Variants in GCFC2 observed in about 807,000 individuals in gnomAD.
The protein encoded by GCFC2 is intron Large complex component GCFC2.
GCFC2 carries 102 observed loss-of-function variants against 99.4 expected under a neutral mutation model. The ratio of observed to expected loss-of-function variants is 1.03; its 90% CI spans 0.87 to 1.21. GCFC2 has a LOEUF of 1.21. Among genes scored for constraint, GCFC2 ranks in the 50% most tolerant of loss-of-function variants. GCFC2 has a pLI of 0.00. For synonymous variants in GCFC2, 338 were observed against 316.8 expected (o/e 1.07, Z -0.71); for missense variants, 973 against 920.9 (o/e 1.06, Z -0.73).
upstream of GCFC2, chr2:75,711,126 G>T: frequency 1.6e-6 from 2 of 1,249,496 alleles, no homozygotes; most frequent in Non-Finnish European, 2.0e-6. Flanking sequence ...GATTTTCACG[G>T]CCTATCCGGT....
At position 75,673,664 on chromosome 2, in the gene GCFC2, C is replaced by A. The variant is rs534257586; in HGVS notation, c.1813-144G>T. 5.2e-5 allele frequency: 31 copies of A among 601,786 alleles called. 1 individual carries two copies. In the South Asian group the frequency reaches 5.5e-4, roughly 11 times the overall value. 37.3% of individuals were successfully genotyped at this position (601,786 alleles called of 1,614,324 possible). A position where few individuals can be genotyped will look rare whatever the true frequency, so the allele number is the denominator to read the frequency against. On this transcript the variant is annotated intron_variant, in intron 12 of 16. Coordinates refer to ENST00000321027, the MANE Select transcript of GCFC2 (RefSeq NM_003203.5). ...AACTATCAATTGGGTACAAAAAAAA[C>A]CTTATTTATCCATGTTGCTACATAT...
chr2:75,673,338 C>G (rs770599784), intron 13 of GCFC2, 106 bp downstream of exon 13: 100 of 652,478 alleles, frequency 1.5e-4, no homozygotes, highest in South Asian at 1.1e-3. Flanking sequence ...ACACAAAAAA[C>G]AAAACAAAAA....
rs1479272147 is a variant in GCFC2 at position 75,694,289 on chromosome 2, T to C, written c.972A>G (p.Lys324=). 2 of 1,209,542 alleles carry C rather than the reference T, an allele frequency of 1.7e-6. No individual in the cohort carries two copies. The highest frequency in any genetic ancestry group is 2.8e-5 in the South Asian group (2 of 71,914). The allele number at this position is 1,209,542 out of a possible 1,614,324, so 74.9% of individuals were successfully genotyped here. ...AATTTTCCACATAAATTTTCATGCT[T>C]TTATAGAATTTACAATTTAGAGCTT... The part of the protein sequence containing the change: ...SNQALNCKFY[K]SMKIYVENLI... Residue 324 remains lysine, a synonymous_variant, in exon 6 of 17, where the codon AAA becomes AAG. Coordinates refer to ENST00000321027, the MANE Select transcript of GCFC2 (RefSeq NM_003203.5).
intron 6 of GCFC2, 22 bp from the exon 7 acceptor site, chr2:75,692,122 C>T (rs766072825): frequency 2.4e-6 from 3 of 1,236,842 alleles, no homozygotes; most frequent in Non-Finnish European, 3.3e-6. Flanking sequence ...ATATAAGTAA[C>T]ATTTTGCAGG....
Position 75,710,780 on chromosome 2 carries a change from G to A in GCFC2, c.76C>T (p.Pro26Ser), listed in dbSNP as rs748040346. Residue 26 changes from proline to serine, a missense_variant, in exon 1 of 17, where the codon CCT becomes TCT. Coordinates refer to ENST00000321027, the MANE Select transcript of GCFC2 (RefSeq NM_003203.5). ...SSDSDGAEES[P>S]AEPGAPRELP... ...TCCCTCGGCGCCCCAGGCTCAGCAG[G>A]CGACTCCTCGGCGCCATCGCTGTCG... 6.3e-7 allele frequency: 1 copy of A among 1,574,934 alleles called. No homozygotes were observed.
intron 13 of GCFC2, among the ~76,000 whole-genome samples, chr2:75,672,570 A>G (rs77951644): frequency 0.01 from 1,532 of 152,070 alleles, 15 homozygotes; most frequent in South Asian, 0.027. Context: ...CTGGATTGCT[A>G]CAGTTCATGC....
Position 75,706,656 on chromosome 2 carries a change from C to T in GCFC2, c.266-5G>A. On this transcript the variant is annotated splice_region_variant and splice_polypyrimidine_tract_variant and intron_variant, in intron 1 of 16. Coordinates refer to ENST00000321027, the MANE Select transcript of GCFC2 (RefSeq NM_003203.5). ...ACACATCAAGGGTTCTGGATTCTAACAGGACATTTTAAAAATACAACAAAA... is the reference window on the plus strand; with the variant it reads ...ACACATCAAGGGTTCTGGATTCTAATAGGACATTTTAAAAATACAACAAAA... The T allele has an allele frequency of 1.9e-6, 3 of 1,551,066 alleles. No individual in the cohort carries two copies. Among genetic ancestry groups the T allele is most frequent in the Non-Finnish European group, 2.6e-6 (3 of 1,140,684 alleles).
chr2:75,704,313 T>C (rs1047929553), intron 2 of GCFC2, among the ~76,000 whole-genome samples: 2 of 152,226 alleles, frequency 1.3e-5, no homozygotes, highest in Non-Finnish European at 2.9e-5. Flanking sequence ...CAGTTATTCA[T>C]CGGAACACAA....
chr2:75,698,396 T>C (rs1221204313), intron 4 of GCFC2, among the ~76,000 whole-genome samples: 1 of 152,082 alleles, frequency 6.6e-6, no homozygotes, highest in Non-Finnish European at 1.5e-5. Flanking sequence ...ATTTGTTAAT[T>C]AAAAAAATCA....
At chr2:75,689,942 T>C (rs1470047775) in intron 9 of GCFC2, 27 bp downstream of exon 9, 1 of 1,181,770 alleles carries the variant, frequency 8.5e-7, no homozygotes, top group Non-Finnish European at 1.2e-6. Flanking sequence ...ACTCAAACCA[T>C]GATATATTAG....
upstream of GCFC2, chr2:75,711,052 C>G (rs542700814): frequency 7.6e-7 from 1 of 1,321,246 alleles, no homozygotes; most frequent in Admixed American, 4.2e-5. Context: ...GAGTTCTGTT[C>G]TGGGGCCTGA....
In GCFC2 at chr2:75,710,612, G is replaced by A; in HGVS notation, c.244C>T (p.Pro82Ser). 2.0e-6 allele frequency: 3 copies of A among 1,514,514 alleles called. No homozygotes were observed. The highest frequency in any genetic ancestry group is 2.3e-4 in the Middle Eastern group (1 of 4,300). The allele number at this position is 1,514,514 out of a possible 1,614,324, so 93.8% of individuals were successfully genotyped here. The change falls in exon 1 of 17, where the codon CCC becomes TCC. Residue 82 changes from proline to serine, a missense_variant. Pro to Ser is a moderately conservative substitution (Grantham distance 74). Coordinates refer to ENST00000321027, the MANE Select transcript of GCFC2 (RefSeq NM_003203.5). Reference sequence around the variant, plus strand: ...ACACCTGAGCCTTCGTCCGCGCGGGGAGCCGCTTTGGTGGCACGCCGGGAG... The same window carrying A: ...ACACCTGAGCCTTCGTCCGCGCGGGAAGCCGCTTTGGTGGCACGCCGGGAG... ...ASSRRATKAA[P>S]RADEGSESRT...
chr2:75,712,420 A>C (rs1681224779), upstream of GCFC2, among the ~76,000 whole-genome samples: 1 of 152,068 alleles, frequency 6.6e-6, no homozygotes, highest in South Asian at 2.1e-4. Context: ...TCTGATGGGG[A>C]TGTGGAGAAC....
upstream of GCFC2, chr2:75,711,306 G>A (rs143968871): frequency 1.9e-4 from 120 of 644,192 alleles, no homozygotes; most frequent in African/African-American, 2.3e-3. Context: ...CCAGCAGTGT[G>A]AGGCTCGGGG....
Position 75,683,131 on chromosome 2 carries a change from A to G in GCFC2, c.1691-2817T>C, listed in dbSNP as rs1456461381. Among the ~76,000 whole-genome samples, 3 of 151,814 alleles carry G rather than the reference A, an allele frequency of 2.0e-5. No homozygotes were observed. In the East Asian group the frequency reaches 5.8e-4, roughly 29 times the overall value. ...ACTCCTCGAGAAGAGCAACCCCAAG[A>G]CACATAATTGTCAGATTCACCAAGG... On this transcript the variant is annotated intron_variant, in intron 11 of 16. Transcript: ENST00000321027.
chr2:75,691,740 A>T (rs924940271), intron 7 of GCFC2, among the ~76,000 whole-genome samples: 2 of 152,230 alleles, frequency 1.3e-5, no homozygotes, highest in African/African-American at 4.8e-5. Context: ...ATGGCTATGT[A>T]CATATTCTGT....
intron 2 of GCFC2, among the ~76,000 whole-genome samples, chr2:75,705,661 A>T (rs954822191): frequency 2.7e-5 from 4 of 150,246 alleles, no homozygotes; most frequent in Non-Finnish European, 5.9e-5. Context: ...ACTTATTACT[A>T]TATTACAAGC....
In GCFC2 at chr2:75,694,400, G is replaced by T; in HGVS notation, c.861C>A (p.Arg287=). ...ATTTTTCATACTCCCTCAGGTGTGA[G>T]CGGTGAGTTTCCTGTAGTAATGTTA... ...TRLTLLQETH[R]SHLREYEKYV... Residue 287 remains arginine (R), a synonymous_variant, in exon 6 of 17, where the codon CGC becomes CGA. Coordinates refer to ENST00000321027, the MANE Select transcript of GCFC2 (RefSeq NM_003203.5). 1.4e-6 allele frequency: 2 copies of T among 1,446,990 alleles called. No homozygotes were observed. Among genetic ancestry groups the T allele is most frequent in the Non-Finnish European group, 1.8e-6 (2 of 1,082,582 alleles). The allele number at this position is 1,446,990 out of a possible 1,614,324, so 89.6% of individuals were successfully genotyped here.
chr2:75,678,590 A>T (rs923610084), intron 12 of GCFC2, among the ~76,000 whole-genome samples: 3 of 152,142 alleles, frequency 2.0e-5, no homozygotes, highest in Admixed American at 2.0e-4. Flanking sequence ...TCTCCTGAAG[A>T]CACAGTACTT....
Sources: gnomAD v4.1 joint callset for allele counts (sites outside exome capture counted in the v4.1 genomes callset) on GRCh38, gnomAD v4.1.1 for gene constraint, MANE v1.5 for transcripts, NCBI Gene and HGNC (gene_info 2026-07-23, HGNC 2026-07-21) for gene names.